BICC1: variants seen among roughly 807,000 people sequenced by gnomAD.
BICC1 encodes the protein BicC family RNA binding protein 1.
BICC1 carries 43 observed loss-of-function variants against 111.0 expected under a neutral mutation model. That is an observed-to-expected ratio of 0.39 (90% CI 0.30 to 0.50). BICC1 has a LOEUF of 0.50. Among genes scored for constraint, BICC1 ranks in the 20% least tolerant of loss-of-function variants. The pLI is 0.88. For synonymous variants in BICC1, 467 were observed against 434.4 expected, an observed-to-expected ratio of 1.07 and a Z score of -0.93; for missense variants, 1,091 against 1,203.2, an observed-to-expected ratio of 0.91 and a Z score of 1.38.
chr10:58,661,811 T>G (rs1212685257), intron 2 of BICC1, among the ~76,000 whole-genome samples: 1 of 152,178 alleles, frequency 6.6e-6, no homozygotes, highest in Non-Finnish European at 1.5e-5. Context: ...ATACTTCAAA[T>G]CTGATATAAT....
At chr10:58,546,727 T>A (rs201584796) in intron 1 of BICC1, among the ~76,000 whole-genome samples, 60 of 152,238 alleles carry the variant, frequency 3.9e-4, no homozygotes, top group African/African-American at 1.1e-3. Flanking sequence ...AAACTTTTTT[T>A]AAAAAAATAA....
intron 3 of BICC1, among the ~76,000 whole-genome samples, chr10:58,779,364 T>G (rs1050687030): frequency 2.0e-5 from 3 of 152,212 alleles, no homozygotes; most frequent in African/African-American, 7.2e-5. Flanking sequence ...AACACTGCCT[T>G]TCATCCACTT....
intron 3 of BICC1, among the ~76,000 whole-genome samples, chr10:58,739,262 A>G (rs962359432): frequency 5.3e-4 from 80 of 152,218 alleles, no homozygotes; most frequent in Admixed American, 3.3e-3. Context: ...TCCCATCAAT[A>G]CCTAATTTAT....
At chr10:58,658,771 C>T (rs1044114397) in intron 2 of BICC1, among the ~76,000 whole-genome samples, 2 of 152,044 alleles carry the variant, frequency 1.3e-5, no homozygotes, top group Non-Finnish European at 2.9e-5. Context: ...TTGACATGCT[C>T]CCATCATTCC....
chr10:58,743,333 T>G (rs975028144), intron 3 of BICC1, among the ~76,000 whole-genome samples: 1 of 152,164 alleles, frequency 6.6e-6, no homozygotes, highest in African/African-American at 2.4e-5. Context: ...CTGTCACTTT[T>G]CTGTGGACTA....
chr10:58,615,225 C>T (rs1465443319), intron 1 of BICC1, among the ~76,000 whole-genome samples: 1 of 152,166 alleles, frequency 6.6e-6, no homozygotes, highest in African/African-American at 2.4e-5. Context: ...TTAATATTGG[C>T]ATATTTTAAA....
chr10:58,532,204 A>G (rs982559892), intron 1 of BICC1, among the ~76,000 whole-genome samples: 8 of 151,962 alleles, frequency 5.3e-5, no homozygotes, highest in African/African-American at 1.9e-4. Flanking sequence ...GACTTTCCAT[A>G]AGAATATCAC....
intron 3 of BICC1, among the ~76,000 whole-genome samples, chr10:58,707,072 G>T (rs373099088): frequency 1.3e-5 from 2 of 152,256 alleles, no homozygotes; most frequent in African/African-American, 4.8e-5. Context: ...TGGGTTACTT[G>T]ATGTTTCCTG....
At chr10:58,738,284 T>A (rs1340118807) in intron 3 of BICC1, among the ~76,000 whole-genome samples, 1 of 152,138 alleles carries the variant, frequency 6.6e-6, no homozygotes, top group African/African-American at 2.4e-5. Context: ...AAGGAAGGGA[T>A]CCAGTTTCAG....
At chr10:58,691,238 A>G (rs976096895) in intron 2 of BICC1, among the ~76,000 whole-genome samples, 15 of 152,162 alleles carry the variant, frequency 9.9e-5, no homozygotes, top group Non-Finnish European at 2.2e-4. Flanking sequence ...GTAGATCTCT[A>G]GGAATTATTT....
intron 1 of BICC1, among the ~76,000 whole-genome samples, chr10:58,542,495 A>G (rs1228072359): frequency 1.3e-5 from 2 of 152,166 alleles, no homozygotes; most frequent in Non-Finnish European, 2.9e-5. Flanking sequence ...AAGCACAGGC[A>G]CCAGAAGCAA....
At chr10:58,807,721 G>A (rs1429133797) in intron 17 of BICC1, among the ~76,000 whole-genome samples, 13 of 152,078 alleles carry the variant, frequency 8.5e-5, no homozygotes, top group Admixed American at 8.5e-4. Context: ...ATATGGAAGG[G>A]ATGGAGAGTT....
At chr10:58,615,684 C>G (rs1388749774) in intron 1 of BICC1, among the ~76,000 whole-genome samples, 1 of 152,132 alleles carries the variant, frequency 6.6e-6, no homozygotes, top group African/African-American at 2.4e-5. Context: ...TAACACTTGG[C>G]ATGACACTTG....
rs140577270 is a variant in BICC1, at chr10:58,648,716, C to G, written c.237+27815C>G. ...TTGGAAATCCTCTCTGTTGTTTGAC[C>G]ATAATGCTACTTGCTACTCCTGTCT... On this transcript the variant is annotated intron_variant, in intron 2 of 20. Coordinates refer to ENST00000373886, the MANE Select transcript of BICC1 (RefSeq NM_001080512.3). The G allele has an allele frequency of 2.8e-4, 258 of 928,190 alleles. 2 individuals carry two copies. In the East Asian group the frequency reaches 0.02, roughly 73 times the overall value. 57.5% of individuals were successfully genotyped at this position (928,190 alleles called of 1,614,324 possible).
At chr10:58,590,639 T>C (rs1844582129) in intron 1 of BICC1, among the ~76,000 whole-genome samples, 1 of 152,160 alleles carries the variant, frequency 6.6e-6, no homozygotes, top group African/African-American at 2.4e-5. Flanking sequence ...GCTTGGAAAT[T>C]CTACCAGACT....
intron 2 of BICC1, among the ~76,000 whole-genome samples, chr10:58,636,836 AT>A (rs1837967686): frequency 1.3e-5 from 2 of 152,178 alleles, no homozygotes; most frequent in African/African-American, 2.4e-5. Flanking sequence ...TGATGTTAAA[AT>A]TGGTTGAAAT....
At chr10:58,808,779 G>A (rs1224460648) in intron 17 of BICC1, among the ~76,000 whole-genome samples, 1 of 150,320 alleles carries the variant, frequency 6.7e-6, no homozygotes, top group Admixed American at 6.7e-5. Context: ...GCAGTGGCAC[G>A]ATCTCGGCTC....
At chr10:58,721,969 C>T (rs955157705) in intron 3 of BICC1, among the ~76,000 whole-genome samples, 1 of 152,138 alleles carries the variant, frequency 6.6e-6, no homozygotes, top group Non-Finnish European at 1.5e-5. Flanking sequence ...AAAATATTTC[C>T]GTTACTAACA....
intron 5 of BICC1, among the ~76,000 whole-genome samples, 160 bp downstream of exon 5, chr10:58,787,241 G>A (rs549776946): frequency 6.6e-6 from 1 of 152,202 alleles, no homozygotes; most frequent in East Asian, 1.9e-4. Flanking sequence ...AATTGAAGGT[G>A]CTTTGCTTTT....
Sources: gnomAD v4.1 joint callset for allele counts (sites outside exome capture counted in the v4.1 genomes callset) on GRCh38, gnomAD v4.1.1 for gene constraint, MANE v1.5 for transcripts, NCBI Gene and HGNC (gene_info 2026-07-23, HGNC 2026-07-21) for gene names.